Variants in TBC1D5 observed in about 807,000 individuals in gnomAD.
TBC1D5 encodes the protein TBC1 domain family member 5, also known as TBC1 domain family, member 5.
A neutral mutation model predicts 100.3 loss-of-function variants in TBC1D5; 75 were observed. The ratio of observed to expected loss-of-function variants is 0.75; its 90% CI spans 0.62 to 0.91. The LOEUF (loss-of-function observed/expected upper bound fraction) is 0.91, where lower values mean the gene tolerates loss of function less well. Among genes scored for constraint, TBC1D5 ranks in the 40% least tolerant of loss-of-function variants. The probability of loss-of-function intolerance (pLI) is 0.00; values close to 1 mark genes in which losing one functional copy is unlikely to be tolerated. For synonymous variants in TBC1D5, 323 were observed against 325.6 expected (o/e 0.99, Z 0.09); for missense variants, 910 against 942.4 (o/e 0.97, Z 0.45).
chr3:17,713,155 T>C (rs1280547194), intron 1 of TBC1D5, among the ~76,000 whole-genome samples: 3 of 152,168 alleles, frequency 2.0e-5, no homozygotes, highest in Admixed American at 6.5e-5. Flanking sequence ...ACTTCTTAGA[T>C]ATGACACCAA....
intron 1 of TBC1D5, among the ~76,000 whole-genome samples, chr3:17,636,151 T>G (rs2063898239): frequency 6.6e-6 from 1 of 152,042 alleles, no homozygotes; most frequent in Non-Finnish European, 1.5e-5. Flanking sequence ...TTCGCTGCTG[T>G]ACTCTAGCCT....
chr3:17,255,367 A>G (rs2077548060), intron 16 of TBC1D5, among the ~76,000 whole-genome samples: 1 of 151,892 alleles, frequency 6.6e-6, no homozygotes, highest in African/African-American at 2.4e-5. Flanking sequence ...CTCCCGTCTA[A>G]TTTTTTGTAT....
At chr3:17,423,703 A>G (rs2094272500) in intron 4 of TBC1D5, among the ~76,000 whole-genome samples, 1 of 152,168 alleles carries the variant, frequency 6.6e-6, no homozygotes, top group Non-Finnish European at 1.5e-5. Flanking sequence ...TTAAGTTGGA[A>G]AAAATACTGA....
At chr3:17,528,823 T>C (rs1229960377) in intron 2 of TBC1D5, among the ~76,000 whole-genome samples, 1 of 152,128 alleles carries the variant, frequency 6.6e-6, no homozygotes, top group Non-Finnish European at 1.5e-5. Context: ...TATTTGAAAA[T>C]ACATTAAATT....
intron 2 of TBC1D5, among the ~76,000 whole-genome samples, chr3:17,581,164 T>C (rs2096693160): frequency 6.6e-6 from 1 of 152,222 alleles, no homozygotes; most frequent in African/African-American, 2.4e-5. Context: ...CTCTCTTGCC[T>C]GTGCCATGTA....
At position 17,580,354 on chromosome 3, in the gene TBC1D5, A is replaced by C. The variant is rs145852154; in HGVS notation, c.-36+43495T>G. On this transcript the variant is annotated intron_variant, in intron 2 of 21. Coordinates refer to ENST00000253692, the Ensembl canonical transcript of TBC1D5. Reference sequence around the variant, plus strand: ...ATACATTTACATTGTTAAAGAAAAAAACCACAAAGGAGAACTACAGAAGAA... The same window carrying C: ...ATACATTTACATTGTTAAAGAAAAACACCACAAAGGAGAACTACAGAAGAA... 3.6e-3 allele frequency among the ~76,000 whole-genome samples: 544 copies of C among 152,294 alleles called. 5 individuals carry two copies. Among genetic ancestry groups the C allele is most frequent in the African/African-American group, 0.011 (471 of 41,556 alleles).
intron 13 of TBC1D5, among the ~76,000 whole-genome samples, chr3:17,337,003 A>G (rs1420484749): frequency 6.6e-6 from 1 of 152,084 alleles, no homozygotes; most frequent in African/African-American, 2.4e-5. Flanking sequence ...TCCTTCCTAA[A>G]CTAACTACAT....
intron 1 of TBC1D5, among the ~76,000 whole-genome samples, chr3:17,652,273 C>T (rs969109381): frequency 3.9e-5 from 6 of 151,956 alleles, no homozygotes; most frequent in Non-Finnish European, 7.4e-5. Context: ...TTTCTCTACC[C>T]TACTATATAA....
At chr3:17,655,866 A>G (rs565938731) in intron 1 of TBC1D5, among the ~76,000 whole-genome samples, 1 of 152,230 alleles carries the variant, frequency 6.6e-6, no homozygotes, top group Non-Finnish European at 1.5e-5. Context: ...ACATTTAAAT[A>G]AAGAACCACG....
intron 1 of TBC1D5, among the ~76,000 whole-genome samples, chr3:17,731,554 T>G (rs2076560020): frequency 6.9e-6 from 1 of 144,750 alleles, no homozygotes; most frequent in East Asian, 2.0e-4. Flanking sequence ...AAATAGGCAA[T>G]GGAGAATATC....
chr3:17,333,519 T>C (rs905130591), intron 13 of TBC1D5: 6 of 152,108 alleles, frequency 3.9e-5, no homozygotes. Context: ...GAGAAAATTA[T>C]GTAATAAGAA....
At chr3:17,504,070 C>T (rs1207069466) in intron 3 of TBC1D5, among the ~76,000 whole-genome samples, 1 of 98,328 alleles carries the variant, frequency 1.0e-5, no homozygotes, top group Non-Finnish European at 2.1e-5. Context: ...AATTCAAGTG[C>T]TAGAATTATC....
At chr3:17,409,296 A>C (rs2093858120) in intron 4 of TBC1D5, among the ~76,000 whole-genome samples, 1 of 152,152 alleles carries the variant, frequency 6.6e-6, no homozygotes. Flanking sequence ...TGTAACTGTT[A>C]TGAAGCAAAA....
At chr3:17,212,660 A>G (rs755821909) in intron 18 of TBC1D5, among the ~76,000 whole-genome samples, 2 of 152,136 alleles carry the variant, frequency 1.3e-5, no homozygotes, top group Admixed American at 6.5e-5. Flanking sequence ...AAACAATGAT[A>G]CTGATGATCC....
chr3:17,304,228 A>C (rs1282107182), intron 14 of TBC1D5, among the ~76,000 whole-genome samples: 1 of 152,078 alleles, frequency 6.6e-6, no homozygotes, highest in African/African-American at 2.4e-5. Context: ...TACTCAAAAA[A>C]TATTTTTCTG....
intron 1 of TBC1D5, among the ~76,000 whole-genome samples, chr3:17,711,514 C>A (rs547456636): frequency 3.3e-5 from 5 of 152,186 alleles, no homozygotes; most frequent in African/African-American, 1.2e-4. Context: ...TTAATCATAC[C>A]CTTTTCCTTA....
intron 2 of TBC1D5, among the ~76,000 whole-genome samples, chr3:17,574,204 C>A (rs1342406580): frequency 6.6e-6 from 1 of 152,004 alleles, no homozygotes; most frequent in Non-Finnish European, 1.5e-5. Context: ...ACTCACCTAC[C>A]ATGGCACATC....
chr3:17,418,105 T>A lies in TBC1D5; in HGVS notation c.167+10345A>T, dbSNP rs1264594031. On this transcript the variant is annotated intron_variant, in intron 4 of 21. Transcript: ENST00000253692. Reference sequence around the variant, plus strand: ...TCATGGAATGAAAATTGTATCCGTATGTTCAGATACAAGGACATCTTTTAC... The same window carrying A: ...TCATGGAATGAAAATTGTATCCGTAAGTTCAGATACAAGGACATCTTTTAC... Among the ~76,000 whole-genome samples the A allele has an allele frequency of 2.0e-5, 3 of 152,198 alleles. No individual in the cohort carries two copies. The East Asian group carries it at 5.8e-4, about 29-fold the overall frequency.
intron 3 of TBC1D5, among the ~76,000 whole-genome samples, chr3:17,479,757 T>C (rs1316267102): frequency 6.6e-6 from 1 of 152,180 alleles, no homozygotes; most frequent in East Asian, 1.9e-4. Flanking sequence ...AAGATCACAC[T>C]GATTTCAGCA....
Sources: gnomAD v4.1 joint callset for allele counts (sites outside exome capture counted in the v4.1 genomes callset) on GRCh38, gnomAD v4.1.1 for gene constraint, MANE v1.5 for transcripts, NCBI Gene and HGNC (gene_info 2026-07-23, HGNC 2026-07-21) for gene names.